Variants in NXPH2 observed in about 807,000 individuals in gnomAD.
The protein encoded by NXPH2 is neurexophilin-2.
A neutral mutation model predicts 19.8 loss-of-function variants in NXPH2; 5 were observed. That is an observed-to-expected ratio of 0.25 (90% confidence interval 0.13 to 0.53). The LOEUF is 0.53. Ranked by LOEUF, NXPH2 falls within the 20% of genes least tolerant of loss-of-function variation. NXPH2 has a pLI of 0.96. For missense variants in NXPH2, 289 were observed against 322.8 expected, an observed-to-expected ratio of 0.90 and a Z score of 0.80; for synonymous variants, 154 against 127.4, an observed-to-expected ratio of 1.21 and a Z score of -1.41.
intron 1 of NXPH2, among the ~76,000 whole-genome samples, chr2:138,694,030 C>T (rs1217377508): frequency 6.6e-6 from 1 of 152,126 alleles, no homozygotes; most frequent in Non-Finnish European, 1.5e-5. Flanking sequence ...AACTTAACCT[C>T]AGCCAATCAA....
chr2:138,750,239 G>A (rs1573977314), intron 1 of NXPH2, among the ~76,000 whole-genome samples: 2 of 152,014 alleles, frequency 1.3e-5, no homozygotes, highest in East Asian at 3.9e-4. Context: ...CATATACTAT[G>A]CTCAAAGAAG....
chr2:138,682,013 T>C (rs951151828), intron 1 of NXPH2, among the ~76,000 whole-genome samples: 3 of 152,234 alleles, frequency 2.0e-5, no homozygotes, highest in Admixed American at 1.3e-4. Context: ...GAACCAATAA[T>C]AAAAGGTGGT....
At chr2:138,718,436 T>C (rs949125805) in intron 1 of NXPH2, among the ~76,000 whole-genome samples, 1 of 152,180 alleles carries the variant, frequency 6.6e-6, no homozygotes, top group African/African-American at 2.4e-5. Context: ...ATAATGACTA[T>C]GAATTTAGAA....
Position 138,670,087 on chromosome 2 carries a change from G to A in NXPH2, c.*835C>T, listed in dbSNP as rs1053487972. 7.2e-5 allele frequency among the ~76,000 whole-genome samples: 11 copies of A among 152,128 alleles called. No homozygotes were observed. The highest frequency in any genetic ancestry group is 2.6e-4 in the Admixed American group (4 of 15,272). ...CACATGTGTAAAGAATCACACTATC[G>A]AATGAATTGAATAAAGCTCTAAGCT... is the stretch of plus-strand genomic sequence containing the variant. On this transcript the variant is annotated 3_prime_UTR_variant, in exon 2 of 2. Transcript: ENST00000272641.
intron 1 of NXPH2, among the ~76,000 whole-genome samples, chr2:138,716,240 A>G (rs527525376): frequency 2.0e-5 from 3 of 152,266 alleles, no homozygotes; most frequent in African/African-American, 7.2e-5. Context: ...TCTTGAAACC[A>G]TGATGTTATG....
At chr2:138,745,049 G>A (rs1171208862) in intron 1 of NXPH2, among the ~76,000 whole-genome samples, 1 of 152,142 alleles carries the variant, frequency 6.6e-6, no homozygotes, top group African/African-American at 2.4e-5. Flanking sequence ...ATGAAAACAC[G>A]ACCTGATTTC....
rs72986901 is a variant in NXPH2 at position 138,698,800 on chromosome 2, G to A, written c.52-27135C>T. Among the ~76,000 whole-genome samples the A allele has an allele frequency of 3.5e-3, 538 of 152,292 alleles. 3 individuals carry two copies. Among genetic ancestry groups the A allele is most frequent in the African/African-American group, 8.8e-3 (365 of 41,546 alleles). On this transcript the variant is annotated intron_variant, in intron 1 of 1. Transcript: ENST00000272641. ...GCCCAGGAATTAGAGGGGGCAGTAA[G>A]CTATGATCACACCACTGTACTCCAG...
intron 1 of NXPH2, among the ~76,000 whole-genome samples, chr2:138,772,648 T>C (rs1682197858): frequency 6.6e-6 from 1 of 152,138 alleles, no homozygotes; most frequent in Non-Finnish European, 1.5e-5. Flanking sequence ...GCCCCAAGAA[T>C]TCATTTGTTC....
chr2:138,737,377 T>C (rs1003536190), intron 1 of NXPH2, among the ~76,000 whole-genome samples: 1 of 152,116 alleles, frequency 6.6e-6, no homozygotes, highest in African/African-American at 2.4e-5. Flanking sequence ...CGAAAGGAGT[T>C]TCCCCTTATA....
chr2:138,775,747 A>C (rs1682251012), intron 1 of NXPH2, among the ~76,000 whole-genome samples: 1 of 152,102 alleles, frequency 6.6e-6, no homozygotes, highest in East Asian at 1.9e-4. Context: ...CATCCTGCAT[A>C]CTATAAGGAT....
chr2:138,727,007 G>A (rs1454692499), intron 1 of NXPH2, among the ~76,000 whole-genome samples: 2 of 152,136 alleles, frequency 1.3e-5, no homozygotes, highest in East Asian at 1.9e-4. Context: ...TTTTCTAGAT[G>A]CCATATAGTT....
At chr2:138,759,059 G>T (rs977559711) in intron 1 of NXPH2, among the ~76,000 whole-genome samples, 8 of 152,016 alleles carry the variant, frequency 5.3e-5, no homozygotes, top group Non-Finnish European at 7.4e-5. Context: ...AACTTCTTTT[G>T]AACTTCAAAA....
At chr2:138,745,493 C>CGGG (rs56011084) in intron 1 of NXPH2, among the ~76,000 whole-genome samples, 5 of 90,280 alleles carry the variant, frequency 5.5e-5, no homozygotes, top group African/African-American at 1.6e-4. Flanking sequence ...CTTTTTTTGG[C>CGGG]GGGGGGGGGG....
Position 138,700,125 on chromosome 2 carries a change from T to A in NXPH2, c.52-28460A>T, listed in dbSNP as rs79309712. Among the ~76,000 whole-genome samples, 497 of 152,154 alleles carry A rather than the reference T, an allele frequency of 3.3e-3. 12 individuals carry two copies. The highest frequency in any genetic ancestry group is 0.029 in the Admixed American group (438 of 15,266). ...GAGAGTTTAAGCAACGAATCCAAGT[T>A]CCCTGAGCAAGTGCACCCTGGAAAA... On this transcript the variant is annotated intron_variant, in intron 1 of 1. Transcript: ENST00000272641.
chr2:138,738,975 C>T (rs1362942562), intron 1 of NXPH2, among the ~76,000 whole-genome samples: 1 of 152,044 alleles, frequency 6.6e-6, no homozygotes, highest in African/African-American at 2.4e-5. Context: ...AATGTTGGCT[C>T]CAATAATTAA....
intron 1 of NXPH2, among the ~76,000 whole-genome samples, chr2:138,718,411 A>C (rs1681223636): frequency 6.6e-6 from 1 of 152,192 alleles, no homozygotes; most frequent in African/African-American, 2.4e-5. Flanking sequence ...ACAAACAAAC[A>C]AAACCCTCTC....
At chr2:138,708,208 A>G (rs1681046307) in intron 1 of NXPH2, among the ~76,000 whole-genome samples, 1 of 152,164 alleles carries the variant, frequency 6.6e-6, no homozygotes, top group African/African-American at 2.4e-5. Context: ...ATCTGGAAAA[A>G]CAACAATAAC....
At chr2:138,732,843 G>A (rs1181072094) in intron 1 of NXPH2, among the ~76,000 whole-genome samples, 2 of 152,062 alleles carry the variant, frequency 1.3e-5, no homozygotes, top group East Asian at 3.9e-4. Flanking sequence ...GCTCACCAGT[G>A]CTGATTAAGC....
chr2:138,775,976 T>A (rs1682255033), intron 1 of NXPH2, among the ~76,000 whole-genome samples: 1 of 152,126 alleles, frequency 6.6e-6, no homozygotes. Context: ...TTTTTTCAAA[T>A]CTTTCCCAGT....
Sources: allele counts gnomAD v4.1 joint callset (sites outside exome capture counted in the v4.1 genomes callset), GRCh38; gene constraint gnomAD v4.1.1; transcripts MANE v1.5; gene names NCBI Gene and HGNC (gene_info 2026-07-23, HGNC 2026-07-21).